The following HMGB1 variants were observed in gnomAD, a reference collection of about 807,000 sequenced individuals.
HMGB1 encodes the protein high mobility group protein B1.
For synonymous variants in HMGB1, 81 were observed against 84.0 expected (o/e 0.96, Z 0.19); for missense variants, 79 against 253.5 (o/e 0.31, Z 4.67).
intron 1 of HMGB1, among the ~76,000 whole-genome samples, chr13:30,537,122 A>C (rs1221365530): frequency 6.6e-6 from 1 of 152,180 alleles, no homozygotes; most frequent in African/African-American, 2.4e-5. Context: ...CAGTTGATTG[A>C]CAGTTTGGAC....
chr13:30,511,040 T>A (rs549613984), intron 1 of HMGB1, among the ~76,000 whole-genome samples: 3 of 152,178 alleles, frequency 2.0e-5, no homozygotes, highest in Non-Finnish European at 4.4e-5. Context: ...CCAGACCCTA[T>A]TACTCATCAC....
intron 1 of HMGB1, among the ~76,000 whole-genome samples, chr13:30,564,716 C>T (rs1268258459): frequency 2.6e-5 from 4 of 152,214 alleles, no homozygotes; most frequent in Non-Finnish European, 5.9e-5. Context: ...ACTTTTATCT[C>T]TCCAACATTC....
At chr13:30,601,085 TCCGCCACC>T (rs1208625414) in intron 1 of HMGB1, among the ~76,000 whole-genome samples, 1 of 152,214 alleles carries the variant, frequency 6.6e-6, no homozygotes, top group Non-Finnish European at 1.5e-5. Context: ...CTTTGTAATC[TCCGCCACC>T]CTTAAGAAGG....
chr13:30,468,097 G>T (rs926272442), upstream of HMGB1, among the ~76,000 whole-genome samples: 4 of 152,136 alleles, frequency 2.6e-5, no homozygotes, highest in Non-Finnish European at 5.9e-5. Flanking sequence ...GGACCACAGG[G>T]TTGTAAAGAT....
chr13:30,553,316 G>A (rs1169353295), intron 1 of HMGB1, among the ~76,000 whole-genome samples: 2 of 152,120 alleles, frequency 1.3e-5, no homozygotes, highest in East Asian at 1.9e-4. Flanking sequence ...CTTTGCTTTC[G>A]GGAGAGCCCA....
At chr13:30,583,842 AG>A (rs1272770642) in intron 1 of HMGB1, among the ~76,000 whole-genome samples, 3,273 of 124,560 alleles carry the variant, frequency 0.026, 75 homozygotes, top group Middle Eastern at 0.054. Context: ...AAAAAAAAAA[AG>A]AAAGAAAGAA....
chr13:30,509,261 T>G (rs901523571), intron 1 of HMGB1, among the ~76,000 whole-genome samples: 2 of 150,628 alleles, frequency 1.3e-5, no homozygotes, highest in Admixed American at 6.6e-5. Context: ...TTTTTTGAGA[T>G]GGAATCTCAC....
At chr13:30,592,147 T>C (rs1871397006) in intron 1 of HMGB1, among the ~76,000 whole-genome samples, 2 of 149,158 alleles carry the variant, frequency 1.3e-5, no homozygotes, top group African/African-American at 5.1e-5. Flanking sequence ...TACTTGTCAA[T>C]ATAGAATAAT....
chr13:30,476,714 G>A (rs1462636965), intron 1 of HMGB1, among the ~76,000 whole-genome samples: 1 of 151,842 alleles, frequency 6.6e-6, no homozygotes, highest in Non-Finnish European at 1.5e-5. Context: ...AAGTACAAAA[G>A]TATTAGCTGA....
intron 1 of HMGB1, among the ~76,000 whole-genome samples, chr13:30,478,920 G>T (rs2011695791): frequency 6.7e-6 from 1 of 149,010 alleles, no homozygotes; most frequent in East Asian, 2.0e-4. Context: ...CTAGGCTGGA[G>T]TGCAGTGGCG....
chr13:30,479,756 G>C (rs1427302385), intron 1 of HMGB1, among the ~76,000 whole-genome samples: 6 of 152,120 alleles, frequency 3.9e-5, no homozygotes, highest in Non-Finnish European at 7.3e-5. Flanking sequence ...GTTTCAATGA[G>C]CTCATATACC....
At chr13:30,473,416 C>T (rs140812495) in intron 1 of HMGB1, among the ~76,000 whole-genome samples, 2 of 152,218 alleles carry the variant, frequency 1.3e-5, no homozygotes, top group East Asian at 1.9e-4. Context: ...GAGTGGAAAA[C>T]GCAATAGTAA....
At chr13:30,597,619 C>T (rs1402815227) in intron 1 of HMGB1, among the ~76,000 whole-genome samples, 2 of 152,194 alleles carry the variant, frequency 1.3e-5, no homozygotes, top group Non-Finnish European at 2.9e-5. Context: ...TACCACAAGC[C>T]TGTCAGTTGA....
intron 1 of HMGB1, chr13:30,540,062 C>G (rs1358192398): frequency 6.5e-6 from 1 of 154,096 alleles, no homozygotes; most frequent in Admixed American, 6.5e-5. Flanking sequence ...TTTCTCTGAT[C>G]TGTTTCACCC....
At chr13:30,515,426 A>T (rs1477506702) in intron 1 of HMGB1, among the ~76,000 whole-genome samples, 1 of 152,184 alleles carries the variant, frequency 6.6e-6, no homozygotes, top group Non-Finnish European at 1.5e-5. Context: ...TCTGTTTGTG[A>T]TCATTTTTGT....
chr13:30,609,912 G>T (rs1337214373), intron 1 of HMGB1, among the ~76,000 whole-genome samples: 2 of 152,162 alleles, frequency 1.3e-5, no homozygotes, highest in Admixed American at 1.3e-4. Context: ...TGCTGCAAAA[G>T]ATATTATTTC....
At chr13:30,547,053 G>C (rs1379495138) in intron 1 of HMGB1, among the ~76,000 whole-genome samples, 1 of 152,258 alleles carries the variant, frequency 6.6e-6, no homozygotes, top group Non-Finnish European at 1.5e-5. Flanking sequence ...GATAATGTGT[G>C]TGGCCCATGC....
At chr13:30,535,451 A>G (rs1868384832) in intron 1 of HMGB1, among the ~76,000 whole-genome samples, 1 of 152,240 alleles carries the variant, frequency 6.6e-6, no homozygotes, top group South Asian at 2.1e-4. Context: ...GTAACTCACA[A>G]AAAAGGTGAA....
chr13:30,611,898 TAAGAA>T (rs1023483598), intron 1 of HMGB1, among the ~76,000 whole-genome samples: 2 of 146,694 alleles, frequency 1.4e-5, no homozygotes, highest in Admixed American at 6.7e-5. Context: ...GCTTTCTCAA[TAAGAA>T]AAGAGTATCA....
Sources: allele counts gnomAD v4.1 joint callset (sites outside exome capture counted in the v4.1 genomes callset), GRCh38; gene constraint gnomAD v4.1.1; transcripts MANE v1.5; gene names NCBI Gene and HGNC (gene_info 2026-07-23, HGNC 2026-07-21).